Variants in CHRNA5 observed in about 807,000 individuals in gnomAD.
The protein encoded by CHRNA5 is neuronal acetylcholine receptor subunit alpha-5.
A neutral mutation model predicts 41.2 loss-of-function variants in CHRNA5; 28 were observed. The ratio of observed to expected loss-of-function variants is 0.68; its 90% CI spans 0.50 to 0.93. The LOEUF (loss-of-function observed/expected upper bound fraction) is 0.93. Among genes scored for constraint, CHRNA5 ranks in the 40% least tolerant of loss-of-function variants. The probability of loss-of-function intolerance (pLI) is 0.00; values close to 1 mark genes in which losing one functional copy is unlikely to be tolerated. For missense variants in CHRNA5, 481 were observed against 581.9 expected (o/e 0.83, Z 1.78); for synonymous variants, 188 against 205.8 (o/e 0.91, Z 0.74).
At chr15:78,565,937 G>A in intron 1 of CHRNA5, 112 bp downstream of exon 1, 1 of 489,080 alleles carries the variant, frequency 2.0e-6, no homozygotes, top group Non-Finnish European at 3.0e-6. Flanking sequence ...GAGGGGAGGT[G>A]GGTTTTTTTC....
chr15:78,581,008 G>A (rs1434178991), intron 2 of CHRNA5, 46 bp downstream of exon 2: 2 of 1,582,450 alleles, frequency 1.3e-6, no homozygotes, highest in Admixed American at 1.7e-5. Context: ...CAGATTTAGT[G>A]AGAGCCTGGT....
In CHRNA5 at chr15:78,588,638, C is replaced by T. The variant is rs2052983037; in HGVS notation, c.413+215C>T. ...CCAAGATCACAGAGCTAGCACATGG[C>T]AGAGTAGGGGGGTCACACCAAGGGG... On this transcript the variant is annotated intron_variant, in intron 4 of 5. Coordinates refer to ENST00000299565, the Ensembl canonical transcript of CHRNA5. The surrounding 1 kb of genome is among the most constrained non-coding windows in gnomAD (Gnocchi z 4.1). Among the ~76,000 whole-genome samples the T allele has an allele frequency of 6.6e-6, 1 of 152,122 alleles. No homozygotes were observed. The highest frequency in any genetic ancestry group is 6.5e-5 in the Admixed American group (1 of 15,272).
At chr15:78,571,042 C>T (rs543801320) in intron 1 of CHRNA5, among the ~76,000 whole-genome samples, 1 of 152,330 alleles carries the variant, frequency 6.6e-6, no homozygotes, top group Admixed American at 6.5e-5. Flanking sequence ...CTTAGATGTA[C>T]ACAGGAATTC....
At chr15:78,584,263 T>A (rs1009476529) in intron 2 of CHRNA5, among the ~76,000 whole-genome samples, 4 of 152,242 alleles carry the variant, frequency 2.6e-5, no homozygotes, top group Non-Finnish European at 5.9e-5. Flanking sequence ...CCACATATTC[T>A]GTCTTTTTTT....
At chr15:78,573,940 G>C (rs1260004240) in intron 1 of CHRNA5, among the ~76,000 whole-genome samples, 1 of 149,650 alleles carries the variant, frequency 6.7e-6, no homozygotes, top group South Asian at 2.1e-4. Context: ...GGGACTACAG[G>C]CGTGCACCAC....
intron 1 of CHRNA5, among the ~76,000 whole-genome samples, chr15:78,579,092 A>C (rs1458713124): frequency 6.6e-6 from 1 of 151,798 alleles, no homozygotes; most frequent in Non-Finnish European, 1.5e-5. Context: ...TTTTGAAGAA[A>C]CAAGTTTCTT....
At chr15:78,584,325 C>A (rs1019516968) in intron 2 of CHRNA5, among the ~76,000 whole-genome samples, 1 of 152,018 alleles carries the variant, frequency 6.6e-6, no homozygotes, top group African/African-American at 2.4e-5. Flanking sequence ...AAGATAAAAT[C>A]TTTTTATAAA....
chr15:78,594,183 T>C (rs1286846309), exon 6 of CHRNA5: 1 of 152,220 alleles, frequency 6.6e-6, no homozygotes, highest in Non-Finnish European at 1.5e-5. Flanking sequence ...ACTATTTCTG[T>C]AGCTTAGCTT....
chr15:78,586,897 A>G (rs544819141), intron 3 of CHRNA5, among the ~76,000 whole-genome samples: 6 of 152,306 alleles, frequency 3.9e-5, no homozygotes, highest in South Asian at 2.1e-4. Flanking sequence ...TGGAGTGCCT[A>G]TTGTGTGCCA....
At chr15:78,582,999 A>T (rs1265444150) in intron 2 of CHRNA5, among the ~76,000 whole-genome samples, 1 of 152,076 alleles carries the variant, frequency 6.6e-6, no homozygotes, top group African/African-American at 2.4e-5. Context: ...TCTTTCCAGA[A>T]TCCATAAGAC....
chr15:78,586,777 T>C (rs1567060728), intron 3 of CHRNA5, 88 bp downstream of exon 3: 2 of 948,846 alleles, frequency 2.1e-6, no homozygotes, highest in Non-Finnish European at 3.3e-6. Flanking sequence ...TACAAGAGTA[T>C]GTATATTTGT....
rs2052976880 is a variant in CHRNA5, at chr15:78,588,008, A to G, written c.304-306A>G. 6.6e-6 allele frequency among the ~76,000 whole-genome samples: 1 copy of G among 152,212 alleles called. No individual in the cohort carries two copies. Among genetic ancestry groups the G allele is most frequent in the African/African-American group, 2.4e-5 (1 of 41,460 alleles). ...AAGAATGTTTCCCTTGAACCTGGAT[A>G]TTAAGTGCCTGTGGCTTCAAGTCCT... On this transcript the variant is annotated intron_variant, in intron 3 of 5. Transcript: ENST00000299565. The surrounding 1 kb of genome is among the most constrained non-coding windows in gnomAD (Gnocchi z 4.1).
intron 1 of CHRNA5, among the ~76,000 whole-genome samples, chr15:78,575,902 G>C (rs1342155043): frequency 6.6e-6 from 1 of 152,180 alleles, no homozygotes; most frequent in Non-Finnish European, 1.5e-5. Context: ...TAAAGGTGTT[G>C]AGCATCTTTT....
Position 78,579,469 on chromosome 15 carries a change from G to A in CHRNA5, c.107-1342G>A, listed in dbSNP as rs1345328055. 3.9e-5 allele frequency among the ~76,000 whole-genome samples: 6 copies of A among 152,142 alleles called. No homozygotes were observed. The South Asian group carries it at 1.2e-3, about 32-fold the overall frequency. On this transcript the variant is annotated intron_variant, in intron 1 of 5. Coordinates refer to ENST00000299565, the Ensembl canonical transcript of CHRNA5. ...GGGTTTCACCATGTTGGCCAGGTTCGTCTCGAACTCCTTACCTCAGGTAAT... is the reference window on the plus strand; with the variant it reads ...GGGTTTCACCATGTTGGCCAGGTTCATCTCGAACTCCTTACCTCAGGTAAT...
Position 78,590,578 on chromosome 15 carries a change from C to T in CHRNA5, c.1187C>T (p.Ala396Val), listed in dbSNP as rs143586773. The T allele has an allele frequency of 3.4e-5, 55 of 1,614,194 alleles. No homozygotes were observed. The highest frequency in any genetic ancestry group is 2.4e-4 in the African/African-American group (18 of 75,054). The change falls in exon 5 of 6, where the codon GCG becomes GTG. Residue 396 changes from alanine to valine, a missense_variant. By Grantham distance (64) the Ala-to-Val change is moderately conservative. Transcript: ENST00000299565. ...TCTTCTAGAAACACATTGGAAGCTGCGCTCGATTCTATTCGCTACATTACA... is the reference window on the plus strand; with the variant it reads ...TCTTCTAGAAACACATTGGAAGCTGTGCTCGATTCTATTCGCTACATTACA...
At chr15:78,573,208 G>A (rs574309441) in intron 1 of CHRNA5, among the ~76,000 whole-genome samples, 21 of 152,218 alleles carry the variant, frequency 1.4e-4, no homozygotes, top group African/African-American at 5.1e-4. Flanking sequence ...AAACATACAG[G>A]GCACAGGACA....
chr15:78,567,359 C>T (rs753985597), intron 1 of CHRNA5, among the ~76,000 whole-genome samples: 17 of 152,104 alleles, frequency 1.1e-4, no homozygotes, highest in South Asian at 2.1e-4. Context: ...GGCACAGTGC[C>T]TGACACTCGA....
intron 1 of CHRNA5, among the ~76,000 whole-genome samples, chr15:78,571,765 T>C (rs1011061207): frequency 1.3e-5 from 2 of 152,126 alleles, no homozygotes; most frequent in African/African-American, 4.8e-5. Context: ...AATTCTGTGA[T>C]AAAAATCAAT....
At chr15:78,590,457 T>G in exon 5 of CHRNA5, 1 of 1,614,220 alleles carries the variant, frequency 6.2e-7, no homozygotes, top group Non-Finnish European at 8.5e-7. Flanking sequence ...CCGCAAGATA[T>G]TTCTTCACAC....
Sources: gnomAD v4.1 joint callset for allele counts (sites outside exome capture counted in the v4.1 genomes callset) on GRCh38, gnomAD v4.1.1 for gene constraint, Gnocchi (gnomAD v3.1) non-coding constraint, MANE v1.5 for transcripts, NCBI Gene and HGNC (gene_info 2026-07-23, HGNC 2026-07-21) for gene names.